RTEL1: variants seen among roughly 807,000 people sequenced by gnomAD.
The protein encoded by RTEL1 is regulator of telomere elongation helicase 1, also known as regulator of telomere length.
RTEL1 carries 86 observed loss-of-function variants against 162.2 expected under a neutral mutation model. That is an observed-to-expected ratio of 0.53 (90% CI 0.45 to 0.63). RTEL1 has a LOEUF of 0.63. Ranked by LOEUF, RTEL1 falls within the 30% of genes least tolerant of loss-of-function variation. RTEL1 has a pLI of 0.00. For missense variants in RTEL1, 1,941 were observed against 1,750.2 expected, an observed-to-expected ratio of 1.11 and a Z score of -1.95; for synonymous variants, 958 against 717.9, an observed-to-expected ratio of 1.33 and a Z score of -5.35.
At chr20:63,690,778 T>A (rs753398463) in intron 26 of RTEL1, 27 bp from the exon 27 acceptor site, 1 of 1,584,666 alleles carries the variant, frequency 6.3e-7, no homozygotes, top group Admixed American at 1.8e-5. Context: ...CCCGTGGGCT[T>A]CACTGCGCAC....
intron 14 of RTEL1, chr20:63,681,339 G>A (rs568951054): frequency 6.1e-6 from 6 of 985,268 alleles, no homozygotes; most frequent in Admixed American, 6.1e-5. Flanking sequence ...CTCTGGGCAC[G>A]TTGCCTCTCC....
At chr20:63,689,891 G>A (rs369984152) in intron 24 of RTEL1, 26 bp downstream of exon 24, 38 of 1,586,342 alleles carry the variant, frequency 2.4e-5, no homozygotes, top group Non-Finnish European at 2.9e-5. Context: ...TGGCAGGCGC[G>A]GCGCCAGGGG....
In RTEL1 at chr20:63,667,465, C is replaced by T. The variant is rs766130332; in HGVS notation, c.615-4C>T. The T allele has an allele frequency of 6.8e-6, 11 of 1,612,278 alleles. No homozygotes were observed. The highest frequency in any genetic ancestry group is 1.7e-5 in the Admixed American group (1 of 59,988). ...CACAGGATCTTCTCCTCTCTCCTTCCCAGGGTGTGCCCTTACTACCTGTCC... is the reference window on the plus strand; with the variant it reads ...CACAGGATCTTCTCCTCTCTCCTTCTCAGGGTGTGCCCTTACTACCTGTCC... On this transcript the variant is annotated splice_region_variant and splice_polypyrimidine_tract_variant and intron_variant, in intron 7 of 34. Coordinates refer to ENST00000360203, the MANE Select transcript of RTEL1 (RefSeq NM_001283009.2).
chr20:63,694,480 C>T lies in RTEL1; in HGVS notation c.3101C>T (p.Pro1034Leu). The T allele has an allele frequency of 6.3e-7, 1 of 1,597,302 alleles. No individual in the cohort carries two copies. The highest frequency in any genetic ancestry group is 8.6e-7 in the Non-Finnish European group (1 of 1,167,556). Residue 1034 changes from proline (P) to leucine (L), a missense_variant, in exon 31 of 35, where the codon CCC becomes CTC. Coordinates refer to ENST00000360203, the MANE Select transcript of RTEL1 (RefSeq NM_001283009.2). ...QGRPHLSPRP[P>L]PTGDPGSQPQ... ...AGGCCCCACCTGTCGCCCAGGCCAC[C>T]CCCAACAGGTAGCTGACTCCTGAAC...
chr20:63,691,188 C>A (rs1174622637), intron 27 of RTEL1, among the ~76,000 whole-genome samples: 1 of 152,064 alleles, frequency 6.6e-6, no homozygotes, highest in Non-Finnish European at 1.5e-5. Context: ...GGGTGCCCCC[C>A]ACATCACTTT....
At position 63,674,027 on chromosome 20, in the gene RTEL1, G is replaced by A. The variant is rs2090297658; in HGVS notation, c.853G>A (p.Glu285Lys). 4 of 1,614,010 alleles carry A rather than the reference G, an allele frequency of 2.5e-6. No individual in the cohort carries two copies. The highest frequency in any genetic ancestry group is 1.1e-5 in the South Asian group (1 of 91,090). The change falls in exon 10 of 35, where the codon GAG becomes AAG. Residue 285 changes from glutamate to lysine, a missense_variant. Physicochemically the swap from Glu to Lys is moderately conservative, Grantham distance 56. Transcript: ENST00000360203. ...GLDVIDQVLE[E>K]QTKAAQQGEP... ...GGACGTCATAGACCAGGTGCTGGAG[G>A]AGCAGACCAAGGCAGCGCAGCAGGG...
At chr20:63,662,507 G>A (rs376754819) in intron 4 of RTEL1, 39 bp from the exon 5 acceptor site, 10 of 1,610,980 alleles carry the variant, frequency 6.2e-6, no homozygotes, top group African/African-American at 1.3e-5. Context: ...GGGTGTTGGA[G>A]ACAGCTCCTC....
At chr20:63,688,410 C>A in intron 20 of RTEL1, 24 bp downstream of exon 20, 2 of 1,327,138 alleles carry the variant, frequency 1.5e-6, no homozygotes, top group South Asian at 1.2e-5. Context: ...GTGTTCTGGG[C>A]GGGGTGGGTG....
At chr20:63,662,011 C>G in intron 4 of RTEL1, 68 bp downstream of exon 4, 1 of 1,197,136 alleles carries the variant, frequency 8.4e-7, no homozygotes, top group Non-Finnish European at 1.2e-6. Context: ...GTGCTGAGTC[C>G]ACAGCCCCAT....
In RTEL1 at chr20:63,691,837, G is replaced by C. The variant is rs201784607; in HGVS notation, c.2652G>C (p.Pro884=). ...AGAAGATCCGGCTGGTCAGCCACCC[G>C]GTGCGTGAGCTGTCCCTGCACCTGT... ...GRKKIRLVSH[P]EEPVAGAQTD... The change falls in exon 28 of 35, where the codon CCG becomes CCC. Residue 884 remains proline (P), a splice_region_variant and synonymous_variant. Transcript: ENST00000360203. 6.2e-7 allele frequency: 1 copy of C among 1,608,976 alleles called. No individual in the cohort carries two copies. Among genetic ancestry groups the C allele is most frequent in the Non-Finnish European group, 8.5e-7 (1 of 1,179,118 alleles).
Position 63,688,518 on chromosome 20 carries a change from C to G in RTEL1, c.1723-10C>G. On this transcript the variant is annotated splice_polypyrimidine_tract_variant and intron_variant, in intron 20 of 34. Coordinates refer to ENST00000360203, the MANE Select transcript of RTEL1 (RefSeq NM_001283009.2). The stretch of plus-strand genomic sequence containing the variant: ...CAGGGCTGCCGTGTCCCTGCCTCTT[C>G]CTCCCACAGGCCCGCGACTTGGCCA... 1 of 1,609,842 alleles carries G rather than the reference C, an allele frequency of 6.2e-7. No homozygotes were observed. Among genetic ancestry groups the G allele is most frequent in the African/African-American group, 1.3e-5 (1 of 75,026 alleles).
At chr20:63,662,754 C>T in intron 5 of RTEL1, 75 bp from the exon 6 acceptor site, 1 of 1,597,854 alleles carries the variant, frequency 6.3e-7, no homozygotes, top group Non-Finnish European at 8.6e-7. Context: ...AGGGGAGGAC[C>T]TGGTGGGGGT....
At chr20:63,681,679 C>G in intron 14 of RTEL1, 1 of 985,288 alleles carries the variant, frequency 1.0e-6, no homozygotes, top group African/African-American at 1.7e-5. Context: ...CAGCTCTGAG[C>G]GGGGGCGAGA....
intron 14 of RTEL1, 120 bp downstream of exon 14, chr20:63,680,839 T>C: frequency 2.0e-6 from 3 of 1,521,482 alleles, no homozygotes; most frequent in Non-Finnish European, 2.7e-6. Flanking sequence ...CTACACCACC[T>C]GTTTCTGATT....
Position 63,689,736 on chromosome 20 carries a change from G to GCCT in RTEL1, c.2026-12_2026-10dup. ...CCAAGGGAGCCCCCGTGACCGAGCC[G>GCCT]CCTCGCCCCACAGTTCCTCTCTGGG... On this transcript the variant is annotated splice_polypyrimidine_tract_variant and intron_variant, in intron 23 of 34. Coordinates refer to ENST00000360203, the MANE Select transcript of RTEL1 (RefSeq NM_001283009.2). 1 of 1,609,532 alleles carries GCCT rather than the reference G, an allele frequency of 6.2e-7. No homozygotes were observed. Among genetic ancestry groups the GCCT allele is most frequent in the Non-Finnish European group, 8.5e-7 (1 of 1,177,892 alleles).
At chr20:63,694,053 G>T (rs932419865) in intron 30 of RTEL1, among the ~76,000 whole-genome samples, 3 of 152,028 alleles carry the variant, frequency 2.0e-5, no homozygotes, top group East Asian at 3.9e-4. Context: ...AGTTCACCCA[G>T]GGGGGAACCT....
At chr20:63,693,630 TCCACCA>T (rs1568721280) in intron 30 of RTEL1, among the ~76,000 whole-genome samples, 20 of 3,128 alleles carry the variant, frequency 6.4e-3, no homozygotes, top group East Asian at 0.023. Context: ...CACCACCACC[TCCACCA>T]CCACCACCTC....
rs982277685 is a variant in RTEL1, at chr20:63,691,849, G to C, written c.2652+12G>C. On this transcript the variant is annotated intron_variant, in intron 28 of 34. Transcript: ENST00000360203. The stretch of plus-strand genomic sequence containing the variant: ...TGGTCAGCCACCCGGTGCGTGAGCT[G>C]TCCCTGCACCTGTGCCGACCACCAT... 1.5e-5 allele frequency: 24 copies of C among 1,604,740 alleles called. No homozygotes were observed. Among genetic ancestry groups the C allele is most frequent in the Non-Finnish European group, 2.0e-5 (23 of 1,176,910 alleles).
At chr20:63,677,518 C>T (rs1010081941) in intron 10 of RTEL1, among the ~76,000 whole-genome samples, 4 of 152,152 alleles carry the variant, frequency 2.6e-5, no homozygotes, top group African/African-American at 9.7e-5. Context: ...GGGAGACAGA[C>T]ACGAGAATTG....
Sources: allele counts gnomAD v4.1 joint callset (sites outside exome capture counted in the v4.1 genomes callset), GRCh38; gene constraint gnomAD v4.1.1; transcripts MANE v1.5; gene names NCBI Gene and HGNC (gene_info 2026-07-23, HGNC 2026-07-21).